TRPV3: variants seen among roughly 807,000 people sequenced by gnomAD.
TRPV3 encodes the protein VRL-3.
Under a neutral mutation model 87.1 loss-of-function variants are expected in TRPV3, and 88 were observed. The ratio of observed to expected loss-of-function variants is 1.01; its 90% CI spans 0.85 to 1.21. The LOEUF (loss-of-function observed/expected upper bound fraction) is 1.21, where lower values mean the gene tolerates loss of function less well. Ranked by LOEUF, TRPV3 falls within the 50% of genes most tolerant of loss-of-function variation. The pLI, the probability that TRPV3 is intolerant of heterozygous loss-of-function variation, is 0.00. For missense variants in TRPV3, 1,054 were observed against 1,030.1 expected (o/e 1.02, Z -0.32); for synonymous variants, 438 against 423.3 (o/e 1.03, Z -0.43).
At chr17:3,519,356 ATATGGAGGGATG>A (rs1173991860) in intron 14 of TRPV3, among the ~76,000 whole-genome samples, 3 of 145,398 alleles carry the variant, frequency 2.1e-5, no homozygotes, top group African/African-American at 7.8e-5. Flanking sequence ...GGATGGATGG[ATATGGAGGGATG>A]GATGGAGGGA....
At chr17:3,533,132 C>T (rs1033985743) in intron 7 of TRPV3, among the ~76,000 whole-genome samples, 195 bp from the exon 8 acceptor site, 9 of 152,192 alleles carry the variant, frequency 5.9e-5, no homozygotes, top group Admixed American at 2.0e-4. Flanking sequence ...GCCTCCCTGC[C>T]TCCACCCTGG....
At chr17:3,546,880 A>G (rs1597490328) in intron 2 of TRPV3, 1 of 274,458 alleles carries the variant, frequency 3.6e-6, no homozygotes, top group East Asian at 1.0e-4. Context: ...AGGCAGAAGA[A>G]TTGCTTGAAA....
chr17:3,555,858 G>A (rs1057040916), intron 1 of TRPV3, among the ~76,000 whole-genome samples: 1 of 152,038 alleles, frequency 6.6e-6, no homozygotes, highest in African/African-American at 2.4e-5. Flanking sequence ...GCTGGGCCCT[G>A]TATAGTCCTC....
At chr17:3,525,030 G>A (rs2074283373) in intron 12 of TRPV3, among the ~76,000 whole-genome samples, 1 of 152,046 alleles carries the variant, frequency 6.6e-6, no homozygotes, top group East Asian at 1.9e-4. Flanking sequence ...GGGGGGGTCA[G>A]GGGGGCAGAG....
At position 3,528,304 on chromosome 17, in the gene TRPV3, A is replaced by C. The variant is rs2074318237; in HGVS notation, c.1402-178T>G. 6.6e-6 allele frequency among the ~76,000 whole-genome samples: 1 copy of C among 152,022 alleles called. No individual in the cohort carries two copies. The highest frequency in any genetic ancestry group is 6.6e-5 in the Admixed American group (1 of 15,266). On this transcript the variant is annotated intron_variant, in intron 10 of 17. Transcript: ENST00000576742. This position sits in a 1 kb window ranked among gnomAD's most constrained non-coding sequence, Gnocchi z 4.2. ...CAGCTCCCTGACCCCAACTCTCCTC[A>C]CCCTTGATGGAAACCCAGAACTCTA...
intron 11 of TRPV3, 89 bp downstream of exon 11, chr17:3,527,936 C>T (rs771007408): frequency 1.4e-4 from 151 of 1,049,546 alleles, no homozygotes; most frequent in Non-Finnish European, 2.1e-4. Context: ...CCCAGAACCC[C>T]CCAGCAGTAA....
Position 3,542,705 on chromosome 17 carries a change from G to A in TRPV3, c.467-7C>T, listed in dbSNP as rs751393946. ...AGCTTGTGCATGAGGAAGTCTGCAG[G>A]CAGGGCCATGGGTGGAGTTACAGGA... On this transcript the variant is annotated splice_polypyrimidine_tract_variant and splice_region_variant and intron_variant, in intron 5 of 17. Transcript: ENST00000576742. 5 of 1,612,540 alleles carry A rather than the reference G, an allele frequency of 3.1e-6. No homozygotes were observed. Among genetic ancestry groups the A allele is most frequent in the Non-Finnish European group, 3.4e-6 (4 of 1,179,258 alleles).
rs188768488 is a variant in TRPV3 at position 3,533,933 on chromosome 17, T to C, written c.785-996A>G. Reference sequence around the variant, plus strand: ...GGGCAAGGATCTCTATTTTGTTCACTGATACATTTCAAGTACCTAGAACAG... The same window carrying C: ...GGGCAAGGATCTCTATTTTGTTCACCGATACATTTCAAGTACCTAGAACAG... On this transcript the variant is annotated intron_variant, in intron 7 of 17. Transcript: ENST00000576742. Among the ~76,000 whole-genome samples, 155 of 152,364 alleles carry C rather than the reference T, an allele frequency of 1.0e-3. 2 individuals carry two copies. Among genetic ancestry groups the C allele is most frequent in the African/African-American group, 3.4e-3 (140 of 41,588 alleles).
chr17:3,524,699 T>C (rs371342784), intron 12 of TRPV3, among the ~76,000 whole-genome samples: 1 of 151,172 alleles, frequency 6.6e-6, no homozygotes, highest in South Asian at 2.1e-4. Flanking sequence ...GGGCCTGGTG[T>C]AGTGGCTTTC....
At position 3,543,528 on chromosome 17, in the gene TRPV3, A is replaced by G. The variant is rs753441149; in HGVS notation, c.412T>C (p.Leu138=). 2 of 1,613,808 alleles carry G rather than the reference A, an allele frequency of 1.2e-6. No individual in the cohort carries two copies. The highest frequency in any genetic ancestry group is 2.2e-5 in the South Asian group (2 of 91,068). The change falls in exon 5 of 18, where the codon TTG becomes CTG. Residue 138 remains leucine, a synonymous_variant. Coordinates refer to ENST00000576742, the MANE Select transcript of TRPV3 (RefSeq NM_145068.4). The part of the protein sequence containing the change: ...SEGCVEELVE[L]LVELQELCRR... ...CAAAGCTCCTGCAGCTCCACCAGCAACTCTACCAACTCCTCCACGCAGCCC... is the reference window on the plus strand; with the variant it reads ...CAAAGCTCCTGCAGCTCCACCAGCAGCTCTACCAACTCCTCCACGCAGCCC...
intron 8 of TRPV3, 96 bp downstream of exon 8, chr17:3,532,561 T>G: frequency 6.9e-7 from 1 of 1,445,272 alleles, no homozygotes; most frequent in Non-Finnish European, 9.4e-7. Context: ...GAGGCTGTGG[T>G]TTGTGAATCC....
chr17:3,530,237 G>A lies in TRPV3; in HGVS notation c.1066-34C>T. On this transcript the variant is annotated intron_variant, in intron 8 of 17. Coordinates refer to ENST00000576742, the MANE Select transcript of TRPV3 (RefSeq NM_145068.4). The surrounding 1 kb of genome is among the most constrained non-coding windows in gnomAD (Gnocchi z 4.0). ...GGAGGAGGAACAACCATCAGCTGCA[G>A]AACAGGGGCTTAAGGCCAACAGGGC... 1.3e-6 allele frequency: 2 copies of A among 1,591,572 alleles called. No individual in the cohort carries two copies. The highest frequency in any genetic ancestry group is 1.3e-5 in the African/African-American group (1 of 74,852).
In TRPV3 at chr17:3,528,132, G is replaced by A. The variant is rs1291367130; in HGVS notation, c.1402-6C>T. Reference sequence around the variant, plus strand: ...GCCAAGGGGTGCGGGATGGCCTGCAGGGAAAGAAGAGGGGTGGTCAGTATA... The same window carrying A: ...GCCAAGGGGTGCGGGATGGCCTGCAAGGAAAGAAGAGGGGTGGTCAGTATA... On this transcript the variant is annotated splice_polypyrimidine_tract_variant and splice_region_variant and intron_variant, in intron 10 of 17. Coordinates refer to ENST00000576742, the MANE Select transcript of TRPV3 (RefSeq NM_145068.4). The surrounding 1 kb of genome is among the most constrained non-coding windows in gnomAD (Gnocchi z 4.2). The A allele has an allele frequency of 2.5e-6, 4 of 1,610,050 alleles. No homozygotes were observed. The South Asian group carries it at 4.4e-5, about 18-fold the overall frequency.
chr17:3,521,021 G>T lies in TRPV3; in HGVS notation c.1762C>A (p.Leu588Met). The change falls in exon 14 of 18, where the codon CTG becomes ATG. Residue 588 changes from leucine to methionine, a missense_variant. By Grantham distance (15) the Leu-to-Met change is conservative. Coordinates refer to ENST00000576742, the MANE Select transcript of TRPV3 (RefSeq NM_145068.4). The part of the protein sequence containing the change: ...MIQKVILHDV[L>M]KFLFVYIVFL... ...ACGATATATACAAACAAGAACTTCA[G>T]AACATCATGCAAAATGACCTATAAG... The T allele has an allele frequency of 6.2e-7, 1 of 1,607,894 alleles. No homozygotes were observed. Among genetic ancestry groups the T allele is most frequent in the Non-Finnish European group, 8.5e-7 (1 of 1,175,978 alleles).
Position 3,545,231 on chromosome 17 carries a change from G to C in TRPV3, c.160C>G (p.Pro54Ala). 1 of 1,614,036 alleles carries C rather than the reference G, an allele frequency of 6.2e-7. No individual in the cohort carries two copies. The highest frequency in any genetic ancestry group is 8.5e-7 in the Non-Finnish European group (1 of 1,179,946). The change falls in exon 3 of 18, where the codon CCC (proline) becomes GCC (alanine). Residue 54 changes from proline to alanine, a missense_variant. By Grantham distance (27) the Pro-to-Ala change is conservative. Transcript: ENST00000576742. ...FLEIEGFEPN[P>A]TVAKTSPPVF... ...GGAGGAGAGGTCTTGGCAACTGTGG[G>C]GTTGGGTTCAAACCCTTCTATCTCC...
Position 3,528,891 on chromosome 17 carries a change from G to C in TRPV3, c.1347C>G (p.Phe449Leu). 9 of 1,614,192 alleles carry C rather than the reference G, an allele frequency of 5.6e-6. No homozygotes were observed. The highest frequency in any genetic ancestry group is 7.6e-6 in the Non-Finnish European group (9 of 1,180,020). The change falls in exon 10 of 18, where the codon TTC becomes TTG. Residue 449 changes from phenylalanine (F) to leucine (L), a missense_variant. Phe to Leu is a conservative substitution (Grantham distance 22). Transcript: ENST00000576742. The surrounding 1 kb of genome is among the most constrained non-coding windows in gnomAD (Gnocchi z 4.2). ...HMFFLSFCFY[F>L]FYNITLTLVS... ...CGAGGGTCAGGGTGATGTTGTAGAA[G>C]AAATAAAAGCAGAAGGACAGAAAGA...
rs747339445 is a variant in TRPV3 at position 3,528,158 on chromosome 17, G to C, written c.1402-32C>G. On this transcript the variant is annotated intron_variant, in intron 10 of 17. Transcript: ENST00000576742. This position sits in a 1 kb window ranked among gnomAD's most constrained non-coding sequence, Gnocchi z 4.2. ...GGAAAGAAGAGGGGTGGTCAGTATA[G>C]GAAGCAAGGAGGACAGGGCTGGCAC... 1 of 1,567,608 alleles carries C rather than the reference G, an allele frequency of 6.4e-7. No individual in the cohort carries two copies. Among genetic ancestry groups the C allele is most frequent in the Non-Finnish European group, 8.7e-7 (1 of 1,146,938 alleles).
At position 3,554,460 on chromosome 17, in the gene TRPV3, C is replaced by G. The variant is rs76045550; in HGVS notation, c.119+272G>C. 18,082 of 354,492 alleles carry G rather than the reference C, an allele frequency of 0.051. 691 individuals are homozygous for G. Among genetic ancestry groups the G allele is most frequent in the African/African-American group, 0.12 (5,826 of 46,772 alleles). The allele number at this position is 354,492 out of a possible 1,614,324, so 22.0% of individuals were successfully genotyped here. Reference sequence around the variant, plus strand: ...CCATCCCTCACCTCCCTCAGGAGCCCTCCTGACTGCTCCTGCCTCAGCACC... The same window carrying G: ...CCATCCCTCACCTCCCTCAGGAGCCGTCCTGACTGCTCCTGCCTCAGCACC... On this transcript the variant is annotated intron_variant, in intron 2 of 17. Coordinates refer to ENST00000576742, the MANE Select transcript of TRPV3 (RefSeq NM_145068.4).
Position 3,545,234 on chromosome 17 carries a change from T to G in TRPV3, c.157A>C (p.Asn53His). The G allele has an allele frequency of 6.2e-7, 1 of 1,614,024 alleles. No homozygotes were observed. Among genetic ancestry groups the G allele is most frequent in the South Asian group, 1.1e-5 (1 of 91,040 alleles). ...GGAGAGGTCTTGGCAACTGTGGGGT[T>G]GGGTTCAAACCCTTCTATCTCCAGG... is the stretch of plus-strand genomic sequence containing the variant. ...FFLEIEGFEP[N>H]PTVAKTSPPV... The change falls in exon 3 of 18, where the codon AAC (asparagine) becomes CAC (histidine). Residue 53 changes from asparagine to histidine, a missense_variant. Transcript: ENST00000576742.
Sources: gnomAD v4.1 joint callset for allele counts (sites outside exome capture counted in the v4.1 genomes callset) on GRCh38, gnomAD v4.1.1 for gene constraint, Gnocchi (gnomAD v3.1) non-coding constraint, MANE v1.5 for transcripts, NCBI Gene and HGNC (gene_info 2026-07-23, HGNC 2026-07-21) for gene names.